The following CDH18 variants were observed in gnomAD, a reference collection of about 807,000 sequenced individuals.
CDH18 encodes the protein cadherin 18.
CDH18 carries 31 observed loss-of-function variants against 67.9 expected under a neutral mutation model. The observed-to-expected ratio is 0.46, with a 90% CI of 0.34 to 0.62. The LOEUF (loss-of-function observed/expected upper bound fraction) is 0.62. Ranked by LOEUF, CDH18 falls within the 20% of genes least tolerant of loss-of-function variation. CDH18 has a pLI of 0.01. For missense variants in CDH18, 890 were observed against 975.5 expected, an observed-to-expected ratio of 0.91 and a Z score of 1.17; for synonymous variants, 362 against 347.2, an observed-to-expected ratio of 1.04 and a Z score of -0.48.
At chr5:20,472,830 T>A (rs904359538) in intron 1 of CDH18, among the ~76,000 whole-genome samples, 1 of 152,234 alleles carries the variant, frequency 6.6e-6, no homozygotes, top group Non-Finnish European at 1.5e-5. Context: ...GATAAATACA[T>A]GCATCCCTCA....
At chr5:20,269,872 C>G (rs1040014530) in intron 1 of CDH18, among the ~76,000 whole-genome samples, 2 of 151,756 alleles carry the variant, frequency 1.3e-5, no homozygotes, top group African/African-American at 4.8e-5. Flanking sequence ...TATATGTATA[C>G]AAATGGAAAG....
At chr5:19,733,578 C>A (rs1314762066) in intron 4 of CDH18, among the ~76,000 whole-genome samples, 1 of 152,016 alleles carries the variant, frequency 6.6e-6, no homozygotes, top group East Asian at 2.0e-4. Context: ...GCTCAAGACC[C>A]ACCAAATGAG....
chr5:19,591,098 T>A lies in CDH18; in HGVS notation c.958A>T (p.Thr320Ser). 1.2e-6 allele frequency: 2 copies of A among 1,609,476 alleles called. No individual in the cohort carries two copies. Among genetic ancestry groups the A allele is most frequent in the Non-Finnish European group, 1.7e-6 (2 of 1,177,514 alleles). Reference protein sequence around the residue: ...GDGMGIFSISTDKETREGILS... With the variant: ...GDGMGIFSISSDKETREGILS... ...ATTCCTTCTCTGGTCTCTTTGTCAG[T>A]GGAGATTGAGAATATTCCCATGCCA... Residue 320 changes from threonine to serine, a missense_variant, in exon 7 of 13, where the codon ACT becomes TCT. Coordinates refer to ENST00000382275, the MANE Select transcript of CDH18 (RefSeq NM_004934.5).
At chr5:19,861,696 T>C (rs538931921) in intron 2 of CDH18, among the ~76,000 whole-genome samples, 1 of 152,176 alleles carries the variant, frequency 6.6e-6, no homozygotes, top group South Asian at 2.1e-4. Context: ...AAATCCAATA[T>C]GGGGAGTGAA....
At chr5:20,377,102 G>T (rs1743515862) in intron 1 of CDH18, among the ~76,000 whole-genome samples, 1 of 152,010 alleles carries the variant, frequency 6.6e-6, no homozygotes. Context: ...TCCCTCACTC[G>T]TGAAATAAAG....
At chr5:19,910,234 T>C (rs946973366) in intron 2 of CDH18, among the ~76,000 whole-genome samples, 2 of 152,202 alleles carry the variant, frequency 1.3e-5, no homozygotes, top group African/African-American at 4.8e-5. Flanking sequence ...TTATGATATA[T>C]ATTCTAGTGA....
chr5:19,496,693 T>C (rs998529830), intron 11 of CDH18, among the ~76,000 whole-genome samples: 1 of 150,874 alleles, frequency 6.6e-6, no homozygotes, highest in Non-Finnish European at 1.5e-5. Flanking sequence ...GTGCCTGTAG[T>C]CCCAGATACT....
intron 10 of CDH18, among the ~76,000 whole-genome samples, chr5:19,516,817 A>AT (rs1489307119): frequency 1.3e-5 from 2 of 151,842 alleles, no homozygotes; most frequent in African/African-American, 2.4e-5. Flanking sequence ...GGATTCATTG[A>AT]TTTTTTGAAG....
chr5:20,554,351 TA>T (rs928100484), intron 1 of CDH18, among the ~76,000 whole-genome samples: 7 of 152,220 alleles, frequency 4.6e-5, no homozygotes, highest in Non-Finnish European at 1.0e-4. Flanking sequence ...TCAATCTTTG[TA>T]AAGGTTAACC....
intron 2 of CDH18, among the ~76,000 whole-genome samples, chr5:20,032,771 G>C (rs894756978): frequency 6.6e-6 from 1 of 151,834 alleles, no homozygotes; most frequent in Non-Finnish European, 1.5e-5. Flanking sequence ...CATTTCAATA[G>C]AACATTTTCT....
In CDH18 at chr5:20,381,443, A is replaced by G. The variant is rs550668905; in HGVS notation, c.-579-125938T>C. Among the ~76,000 whole-genome samples, 85 of 152,242 alleles carry G rather than the reference A, an allele frequency of 5.6e-4. 1 individual carries two copies. Among genetic ancestry groups the G allele is most frequent in the African/African-American group, 1.9e-3 (79 of 41,548 alleles). ...GAAAGATGGAAGGGTCATTGCATCA[A>G]CCAATTTAAATTGTACCCCCACCTG... On this transcript the variant is annotated intron_variant, in intron 1 of 14. Transcript: ENST00000507958.
chr5:19,785,670 AAAAAAAAAAATATATATATATATATAT>A (rs1775648147), intron 3 of CDH18, among the ~76,000 whole-genome samples: 2 of 67,996 alleles, frequency 2.9e-5, no homozygotes, highest in African/African-American at 1.3e-4. Context: ...AAAAAAAAAA[AAAAAAAAAAATATATATATATATATAT>A]ATATATATAT....
At chr5:20,301,176 T>C (rs1735862985) in intron 1 of CDH18, among the ~76,000 whole-genome samples, 1 of 134,478 alleles carries the variant, frequency 7.4e-6, no homozygotes, top group Non-Finnish European at 1.5e-5. Flanking sequence ...ACAGTGTTTT[T>C]TTGTTTTTTT....
intron 1 of CDH18, among the ~76,000 whole-genome samples, chr5:20,507,011 A>C (rs1754703791): frequency 6.6e-6 from 1 of 152,174 alleles, no homozygotes; most frequent in Non-Finnish European, 1.5e-5. Context: ...GCTGCCAGGA[A>C]ATACAAGTGG....
intron 5 of CDH18, among the ~76,000 whole-genome samples, chr5:19,642,023 T>C (rs752295891): frequency 6.6e-6 from 1 of 151,854 alleles, no homozygotes; most frequent in Non-Finnish European, 1.5e-5. Context: ...TACATCAAAA[T>C]AATTTGTGTT....
intron 5 of CDH18, among the ~76,000 whole-genome samples, chr5:19,694,463 T>C (rs1255124512): frequency 6.6e-6 from 1 of 152,134 alleles, no homozygotes; most frequent in Non-Finnish European, 1.5e-5. Context: ...GCCAAGACAA[T>C]AAGAAAAGCA....
chr5:20,219,680 T>C (rs563314189), intron 2 of CDH18, among the ~76,000 whole-genome samples: 27 of 151,990 alleles, frequency 1.8e-4, no homozygotes, highest in Non-Finnish European at 3.5e-4. Flanking sequence ...CTTCAATATA[T>C]GCAAATCAAT....
At chr5:20,207,812 A>G (rs1740029988) in intron 2 of CDH18, among the ~76,000 whole-genome samples, 1 of 152,108 alleles carries the variant, frequency 6.6e-6, no homozygotes, top group African/African-American at 2.4e-5. Context: ...AACGGAAGTA[A>G]CAATCCTAAA....
At chr5:20,163,701 G>A (rs1238876601) in intron 2 of CDH18, among the ~76,000 whole-genome samples, 1 of 152,118 alleles carries the variant, frequency 6.6e-6, no homozygotes, top group Non-Finnish European at 1.5e-5. Context: ...TGGGTAACGA[G>A]AAAGAAGTGA....
Sources: gnomAD v4.1 joint callset for allele counts (sites outside exome capture counted in the v4.1 genomes callset) on GRCh38, gnomAD v4.1.1 for gene constraint, MANE v1.5 for transcripts, NCBI Gene and HGNC (gene_info 2026-07-23, HGNC 2026-07-21) for gene names.